CCDC191: variants seen among roughly 807,000 people sequenced by gnomAD.
CCDC191 encodes coiled-coil domain-containing protein 191.
In CCDC191, 99 loss-of-function variants were observed where a neutral mutation model predicts 114.0. That is an observed-to-expected ratio of 0.87 (90% CI 0.74 to 1.03). The LOEUF (loss-of-function observed/expected upper bound fraction) is 1.03. Among genes scored for constraint, CCDC191 ranks in the 50% least tolerant of loss-of-function variants. CCDC191 has a pLI of 0.00. For missense variants in CCDC191, 973 were observed against 1,087.0 expected (o/e 0.90, Z 1.47); for synonymous variants, 351 against 376.0 (o/e 0.93, Z 0.77).
In CCDC191 at chr3:114,005,588, G is replaced by A; in HGVS notation, c.1788C>T (p.Ala596=). ...LAEAQWAAEH[A]LAVTEAQSHL... ...GGCTCTGTGCTTCTGTGACTGCTAA[G>A]GCATGCTCTGCTGCCCACTGAGCCT... The change falls in exon 10 of 17, where the codon GCC becomes GCT. Residue 596 remains alanine, a synonymous_variant. Transcript: ENST00000295878. The A allele has an allele frequency of 9.3e-6, 15 of 1,614,136 alleles. No homozygotes were observed. The highest frequency in any genetic ancestry group is 1.3e-5 in the Non-Finnish European group (15 of 1,180,006).
intron 7 of CCDC191, among the ~76,000 whole-genome samples, chr3:114,027,468 G>T (rs1020691324): frequency 6.6e-6 from 1 of 151,310 alleles, no homozygotes; most frequent in African/African-American, 2.4e-5. Context: ...ACAAAAATTA[G>T]CTGGGTGTGG....
At chr3:114,027,410 T>C (rs907482402) in intron 7 of CCDC191, among the ~76,000 whole-genome samples, 3 of 151,740 alleles carry the variant, frequency 2.0e-5, no homozygotes, top group Non-Finnish European at 4.4e-5. Flanking sequence ...GGTCAGGAGA[T>C]TGAGAACAGC....
rs1490617439 is a variant in CCDC191 at position 114,046,573 on chromosome 3, G to C, written c.271+18C>G. 2.8e-6 allele frequency: 4 copies of C among 1,419,532 alleles called. No homozygotes were observed. In the East Asian group the frequency reaches 9.1e-5, roughly 32 times the overall value. 87.9% of individuals were successfully genotyped at this position (1,419,532 alleles called of 1,614,324 possible). On this transcript the variant is annotated intron_variant, in intron 3 of 16. Coordinates refer to ENST00000295878, the MANE Select transcript of CCDC191 (RefSeq NM_020817.2). ...TTTAAGAATTGTTAACATCGCAGCA[G>C]AAAATGCATTCTCTTACCTTCTGCA...
chr3:114,051,792 A>G (rs1336313189), intron 2 of CCDC191, among the ~76,000 whole-genome samples: 3 of 152,166 alleles, frequency 2.0e-5, no homozygotes, highest in African/African-American at 2.4e-5. Flanking sequence ...AGAGGTTATA[A>G]CTGTTTAGGG....
At chr3:113,980,206 A>G (rs923695298) in intron 14 of CCDC191, among the ~76,000 whole-genome samples, 1 of 152,206 alleles carries the variant, frequency 6.6e-6, no homozygotes, top group Non-Finnish European at 1.5e-5. Context: ...AACCAGAATG[A>G]GAGGCTTGGG....
chr3:114,012,425 G>T (rs1195355122), intron 8 of CCDC191, among the ~76,000 whole-genome samples: 1 of 152,032 alleles, frequency 6.6e-6, no homozygotes, highest in Non-Finnish European at 1.5e-5. Flanking sequence ...CTCACTGATG[G>T]TTTTTGTAAT....
At chr3:113,987,547 T>C (rs998736709) in intron 13 of CCDC191, among the ~76,000 whole-genome samples, 1 of 151,948 alleles carries the variant, frequency 6.6e-6, no homozygotes, top group African/African-American at 2.4e-5. Flanking sequence ...ATGTAAAGTG[T>C]TATTTGAAGG....
intron 13 of CCDC191, among the ~76,000 whole-genome samples, chr3:113,994,332 A>G (rs1170832401): frequency 2.0e-5 from 3 of 152,194 alleles, no homozygotes; most frequent in African/African-American, 4.8e-5. Flanking sequence ...AATAAACACC[A>G]CAATGATATA....
At chr3:114,006,038 T>C (rs1186588341) in intron 9 of CCDC191, 76 bp from the exon 10 acceptor site, 1 of 1,322,728 alleles carries the variant, frequency 7.6e-7, no homozygotes, top group Non-Finnish European at 1.1e-6. Context: ...ATGAGGTCAG[T>C]ATTGTTTTGT....
chr3:114,003,021 A>C, intron 11 of CCDC191: 2 of 985,274 alleles, frequency 2.0e-6, no homozygotes, highest in Non-Finnish European at 2.4e-6. Flanking sequence ...CAAACAAACT[A>C]AAGTTTGGGG....
chr3:114,055,029 T>A (rs1330489079), intron 1 of CCDC191, among the ~76,000 whole-genome samples: 2 of 151,326 alleles, frequency 1.3e-5, no homozygotes, highest in South Asian at 2.1e-4. Flanking sequence ...ATAATAATAA[T>A]AAAATAAGGG....
chr3:114,004,287 T>G, intron 11 of CCDC191: 1 of 992,958 alleles, frequency 1.0e-6, no homozygotes, highest in South Asian at 4.6e-5. Context: ...GTGTCCTTTA[T>G]CAGTGTTTGT....
At chr3:114,037,418 C>A (rs2076501021) in intron 4 of CCDC191, among the ~76,000 whole-genome samples, 1 of 152,138 alleles carries the variant, frequency 6.6e-6, no homozygotes, top group Non-Finnish European at 1.5e-5. Context: ...TGTATTTTTT[C>A]TGACCTAGCT....
chr3:114,041,836 C>T (rs2076565696), intron 4 of CCDC191, among the ~76,000 whole-genome samples: 1 of 152,066 alleles, frequency 6.6e-6, no homozygotes, highest in Non-Finnish European at 1.5e-5. Flanking sequence ...TTAGATAAAT[C>T]CTTACACGTC....
intron 13 of CCDC191, among the ~76,000 whole-genome samples, chr3:113,984,901 T>G (rs1382235683): frequency 6.6e-6 from 1 of 152,220 alleles, no homozygotes; most frequent in Non-Finnish European, 1.5e-5. Context: ...AATTAATGAC[T>G]TTTTGTGAAC....
chr3:114,014,332 G>A (rs994918598), intron 8 of CCDC191, among the ~76,000 whole-genome samples: 3 of 152,208 alleles, frequency 2.0e-5, no homozygotes, highest in Non-Finnish European at 2.9e-5. Flanking sequence ...TCCTCTGCCT[G>A]TGTGACAGAG....
intron 8 of CCDC191, among the ~76,000 whole-genome samples, chr3:114,014,785 A>G (rs893761405): frequency 6.6e-5 from 10 of 152,138 alleles, no homozygotes; most frequent in Non-Finnish European, 7.3e-5. Context: ...ATAATGAAGG[A>G]TGTCATTCAT....
In CCDC191 at chr3:114,010,807, T is replaced by TTGCCTCCTCAGGTAGACTGA; in HGVS notation, c.1358_1377dup (p.Thr460SerfsTer15). 4 of 1,613,794 alleles carry TTGCCTCCTCAGGTAGACTGA rather than the reference T, an allele frequency of 2.5e-6. No individual in the cohort carries two copies. Among genetic ancestry groups the TTGCCTCCTCAGGTAGACTGA allele is most frequent in the Non-Finnish European group, 3.4e-6 (4 of 1,179,722 alleles). ...TTTACTGGTGGACCCACCATGGCTG[T>TTGCCTCCTCAGGTAGACTGA]TGCCTCCTCAGGTAGACTGATGCCT... On this transcript the variant is annotated frameshift_variant, in exon 9 of 17. Transcript: ENST00000295878. LOFTEE classifies it high-confidence loss of function.
chr3:113,980,588 G>T, intron 14 of CCDC191, 62 bp downstream of exon 14: 1 of 1,441,616 alleles, frequency 6.9e-7, no homozygotes, highest in Non-Finnish European at 9.2e-7. Flanking sequence ...GCTTAACTGG[G>T]CATCCATCCT....
Sources: gnomAD v4.1 joint callset for allele counts (sites outside exome capture counted in the v4.1 genomes callset) on GRCh38, gnomAD v4.1.1 for gene constraint, MANE v1.5 for transcripts, NCBI Gene and HGNC (gene_info 2026-07-23, HGNC 2026-07-21) for gene names.